DCDC2: variants seen among roughly 807,000 people sequenced by gnomAD.
DCDC2 encodes doublecortin domain-containing protein 2.
In DCDC2, 40 loss-of-function variants were observed where a neutral mutation model predicts 50.2. The observed-to-expected ratio is 0.80, with a 90% confidence interval of 0.62 to 1.04. The LOEUF (loss-of-function observed/expected upper bound fraction) is 1.04, where lower values mean the gene tolerates loss of function less well. DCDC2 is among the 50% of genes least tolerant of loss of function. DCDC2 has a pLI of 0.00. For missense variants in DCDC2, 570 were observed against 581.9 expected (o/e 0.98, Z 0.21); for synonymous variants, 234 against 210.6 (o/e 1.11, Z -0.96).
At chr6:24,358,850 TTATATATAA>T (rs1177725328), upstream of DCDC2, among the ~76,000 whole-genome samples, 6 of 23,990 alleles carry the variant, frequency 2.5e-4, no homozygotes, top group Middle Eastern at 0.018. Flanking sequence ...TATTTATATA[TTATATATAA>T]TATATATAAT....
At chr6:24,312,334 TG>T (rs1326418780) in intron 2 of DCDC2, among the ~76,000 whole-genome samples, 1 of 152,172 alleles carries the variant, frequency 6.6e-6, no homozygotes, top group Non-Finnish European at 1.5e-5. Context: ...CTCAGTGGAA[TG>T]AAAATTAAAA....
chr6:24,334,595 C>G (rs903109750), intron 2 of DCDC2, among the ~76,000 whole-genome samples: 3 of 152,110 alleles, frequency 2.0e-5, no homozygotes, highest in Non-Finnish European at 4.4e-5. Context: ...TATCTGTTTA[C>G]AGTAAACATG....
chr6:24,244,550 G>A (rs1247611286), intron 7 of DCDC2, among the ~76,000 whole-genome samples: 1 of 152,186 alleles, frequency 6.6e-6, no homozygotes, highest in African/African-American at 2.4e-5. Context: ...TTCTGCATCT[G>A]GAAGGCAAGG....
intron 1 of DCDC2, among the ~76,000 whole-genome samples, chr6:24,354,075 T>G (rs1438535673): frequency 1.3e-5 from 2 of 152,176 alleles, no homozygotes; most frequent in East Asian, 3.8e-4. Context: ...TGAGAGCACC[T>G]TAATGATACA....
intron 2 of DCDC2, among the ~76,000 whole-genome samples, chr6:24,341,181 T>G (rs1760149158): frequency 6.6e-6 from 1 of 152,182 alleles, no homozygotes; most frequent in South Asian, 2.1e-4. Context: ...AGATTGCCAT[T>G]TGAGATTTCC....
intron 7 of DCDC2, among the ~76,000 whole-genome samples, chr6:24,207,205 A>T (rs566323436): frequency 6.6e-6 from 1 of 151,552 alleles, no homozygotes; most frequent in Non-Finnish European, 1.5e-5. Flanking sequence ...AGAGACAGCC[A>T]TCACTAATAT....
intron 2 of DCDC2, among the ~76,000 whole-genome samples, chr6:24,351,540 G>A (rs1328288434): frequency 6.6e-6 from 1 of 152,150 alleles, no homozygotes; most frequent in African/African-American, 2.4e-5. Flanking sequence ...GGACTGAGAA[G>A]AAATAAAAGG....
intron 2 of DCDC2, among the ~76,000 whole-genome samples, chr6:24,349,485 TGGTAAAGGCATC>T (rs1760324967): frequency 6.6e-6 from 1 of 152,134 alleles, no homozygotes; most frequent in African/African-American, 2.4e-5. Flanking sequence ...GAGTAAGTGC[TGGTAAAGGCATC>T]ACACATGCAG....
At chr6:24,231,982 CT>C (rs1475909840) in intron 7 of DCDC2, among the ~76,000 whole-genome samples, 1 of 145,870 alleles carries the variant, frequency 6.9e-6, no homozygotes, top group African/African-American at 2.6e-5. Flanking sequence ...TGTTGCATGA[CT>C]TTAGTAATTT....
chr6:24,193,788 G>A (rs548032364), intron 8 of DCDC2, among the ~76,000 whole-genome samples: 4 of 152,104 alleles, frequency 2.6e-5, no homozygotes, highest in African/African-American at 7.2e-5. Flanking sequence ...TAGGGGGAAC[G>A]AGTTTGGGAA....
chr6:24,372,110 C>T, the DCDC2 span, among the ~76,000 whole-genome samples: 8 of 152,148 alleles, frequency 5.3e-5, no homozygotes, highest in Non-Finnish European at 1.2e-4. Context: ...CCAGCCATCC[C>T]ATTGCTGGGT....
upstream of DCDC2, among the ~76,000 whole-genome samples, chr6:24,362,308 G>A (rs1021439266): frequency 7.1e-6 from 1 of 140,462 alleles, no homozygotes; most frequent in Non-Finnish European, 1.5e-5. Context: ...TTATTTAATT[G>A]TATGTTGATA....
chr6:24,291,172 A>T, intron 4 of DCDC2, 94 bp from the exon 5 acceptor site: 1 of 1,247,412 alleles, frequency 8.0e-7, no homozygotes. Context: ...AAAAAAATTA[A>T]AATTACATAG....
At chr6:24,234,527 G>A (rs1762403099) in intron 7 of DCDC2, among the ~76,000 whole-genome samples, 1 of 152,082 alleles carries the variant, frequency 6.6e-6, no homozygotes, top group African/African-American at 2.4e-5. Flanking sequence ...GGAGGTTATT[G>A]CTGCCTGTGG....
In DCDC2 at chr6:24,357,679, G is replaced by A. The variant is rs1192251469; in HGVS notation, c.72C>T (p.Asn24=). 1 of 1,613,414 alleles carries A rather than the reference G, an allele frequency of 6.2e-7. No individual in the cohort carries two copies. Among genetic ancestry groups the A allele is most frequent in the South Asian group, 1.1e-5 (1 of 91,080 alleles). Residue 24 remains asparagine (N), a synonymous_variant, in exon 1 of 10, where the codon AAC becomes AAT. Coordinates refer to ENST00000378454, the MANE Select transcript of DCDC2 (RefSeq NM_016356.5). The part of the protein sequence containing the change: ...PVVKSVLVYR[N]GDPFYAGRRV... ...GGCGCCCCGCGTAGAAGGGGTCCCC[G>A]TTGCGGTACACAAGCACGCTCTTCA...
At chr6:24,229,587 A>G (rs1165085688) in intron 7 of DCDC2, among the ~76,000 whole-genome samples, 2 of 152,120 alleles carry the variant, frequency 1.3e-5, no homozygotes, top group African/African-American at 4.8e-5. Context: ...AAATGCAAAA[A>G]ATTTTCATGG....
intron 7 of DCDC2, among the ~76,000 whole-genome samples, chr6:24,229,624 G>C (rs1455349978): frequency 6.6e-6 from 1 of 152,124 alleles, no homozygotes; most frequent in Non-Finnish European, 1.5e-5. Context: ...AAACTAGCCA[G>C]TCAAATAGAA....
intron 2 of DCDC2, among the ~76,000 whole-genome samples, chr6:24,346,179 C>T: frequency 6.7e-6 from 1 of 150,232 alleles, no homozygotes; most frequent in South Asian, 2.1e-4. Flanking sequence ...AATGTATTTA[C>T]TGCTGACCCT....
At position 24,243,218 on chromosome 6, in the gene DCDC2, C is replaced by T. The variant is rs576604543; in HGVS notation, c.922+34831G>A. On this transcript the variant is annotated intron_variant, in intron 7 of 9. Coordinates refer to ENST00000378454, the MANE Select transcript of DCDC2 (RefSeq NM_016356.5). ...ACAAAATGGTGATCAGAGCTGAAAC[C>T]CTGGGCTTACAAACATGTTGTCTGG... Among the ~76,000 whole-genome samples, 7 of 152,250 alleles carry T rather than the reference C, an allele frequency of 4.6e-5. No homozygotes were observed. The South Asian group carries it at 1.5e-3, about 32-fold the overall frequency.
Sources: allele counts gnomAD v4.1 joint callset (sites outside exome capture counted in the v4.1 genomes callset), GRCh38; gene constraint gnomAD v4.1.1; transcripts MANE v1.5; gene names NCBI Gene and HGNC (gene_info 2026-07-23, HGNC 2026-07-21).